Variants in COL14A1 observed in about 807,000 individuals in gnomAD.
COL14A1 encodes collagen alpha-1(XIV) chain.
Under a neutral mutation model 230.3 loss-of-function variants are expected in COL14A1, and 136 were observed. That is an observed-to-expected ratio of 0.59 (90% CI 0.51 to 0.68). COL14A1 has a LOEUF of 0.68. Ranked by LOEUF, COL14A1 falls within the 30% of genes least tolerant of loss-of-function variation. The probability of loss-of-function intolerance (pLI) is 0.00; values close to 1 mark genes in which losing one functional copy is unlikely to be tolerated. For synonymous variants in COL14A1, 792 were observed against 784.1 expected (o/e 1.01, Z -0.17); for missense variants, 1,976 against 2,215.8 (o/e 0.89, Z 2.17).
At chr8:120,297,665 C>T in intron 35 of COL14A1, 77 bp downstream of exon 35, 1 of 761,522 alleles carries the variant, frequency 1.3e-6, no homozygotes, top group Non-Finnish European at 1.9e-6. Context: ...TATTTCTCAA[C>T]ATTCATATCA....
chr8:120,325,794 C>T (rs970925666), intron 40 of COL14A1, among the ~76,000 whole-genome samples: 1 of 151,894 alleles, frequency 6.6e-6, no homozygotes, highest in African/African-American at 2.4e-5. Flanking sequence ...CACCTGGCCA[C>T]ATGTTCTGCT....
chr8:120,133,171 G>A (rs779890363), intron 1 of COL14A1, among the ~76,000 whole-genome samples: 39 of 150,240 alleles, frequency 2.6e-4, no homozygotes, highest in Non-Finnish European at 4.4e-4. Flanking sequence ...AGTTGAGATC[G>A]CGCCACTGCA....
At chr8:120,174,420 C>T (rs1816208193) in intron 5 of COL14A1, among the ~76,000 whole-genome samples, 1 of 152,172 alleles carries the variant, frequency 6.6e-6, no homozygotes, top group South Asian at 2.1e-4. Context: ...ACGCACCTTC[C>T]TCTTTCCTTT....
intron 5 of COL14A1, among the ~76,000 whole-genome samples, chr8:120,174,579 T>G (rs909566482): frequency 1.3e-5 from 2 of 152,210 alleles, no homozygotes; most frequent in African/African-American, 4.8e-5. Context: ...TCACTGGAGA[T>G]ATGTTTGAAC....
chr8:120,175,041 A>G (rs185814770), intron 5 of COL14A1, among the ~76,000 whole-genome samples: 6 of 152,246 alleles, frequency 3.9e-5, no homozygotes, highest in African/African-American at 1.4e-4. Flanking sequence ...CTTGTATAAG[A>G]GTCTACACTG....
At chr8:120,252,740 T>C (rs990439560) in intron 22 of COL14A1, among the ~76,000 whole-genome samples, 12 of 152,224 alleles carry the variant, frequency 7.9e-5, no homozygotes, top group African/African-American at 2.2e-4. Flanking sequence ...ATTATTGTAA[T>C]GATGGGGCTT....
chr8:120,135,097 A>G (rs1167738055), intron 1 of COL14A1, among the ~76,000 whole-genome samples: 3 of 152,226 alleles, frequency 2.0e-5, no homozygotes, highest in Admixed American at 2.0e-4. Flanking sequence ...GTGCAGTCAT[A>G]CTTTTAGCCA....
intron 5 of COL14A1, among the ~76,000 whole-genome samples, chr8:120,188,109 G>C (rs184918436): frequency 5.2e-4 from 77 of 148,502 alleles, no homozygotes; most frequent in African/African-American, 1.8e-3. Flanking sequence ...TTGAGATGGC[G>C]TCTCGTTCTG....
At chr8:120,200,309 A>C (rs1817193877) in intron 8 of COL14A1, among the ~76,000 whole-genome samples, 1 of 152,000 alleles carries the variant, frequency 6.6e-6, no homozygotes, top group African/African-American at 2.4e-5. Flanking sequence ...CCCTTTTATT[A>C]TGTTTTACAT....
At chr8:120,213,050 G>GT (rs1302726078) in intron 13 of COL14A1, among the ~76,000 whole-genome samples, 2 of 152,074 alleles carry the variant, frequency 1.3e-5, no homozygotes, top group Non-Finnish European at 2.9e-5. Context: ...CTGAATATCT[G>GT]TTTATTTTCC....
At chr8:120,246,583 T>G (rs1200508973) in intron 20 of COL14A1, among the ~76,000 whole-genome samples, 2 of 152,222 alleles carry the variant, frequency 1.3e-5, no homozygotes, top group Non-Finnish European at 2.9e-5. Context: ...GTATTTATCT[T>G]TAAATAAAAA....
At chr8:120,147,555 A>G (rs1815136134) in intron 1 of COL14A1, among the ~76,000 whole-genome samples, 1 of 152,252 alleles carries the variant, frequency 6.6e-6, no homozygotes, top group Non-Finnish European at 1.5e-5. Flanking sequence ...ATTTATGTCC[A>G]TAGGGAAGAG....
intron 19 of COL14A1, among the ~76,000 whole-genome samples, chr8:120,236,793 G>C (rs184282426): frequency 6.6e-6 from 1 of 152,254 alleles, no homozygotes; most frequent in Non-Finnish European, 1.5e-5. Flanking sequence ...TCCTCCAGGA[G>C]CTCTTGTAAG....
At chr8:120,323,479 G>C (rs1821536329) in intron 40 of COL14A1, among the ~76,000 whole-genome samples, 1 of 152,106 alleles carries the variant, frequency 6.6e-6, no homozygotes, top group Non-Finnish European at 1.5e-5. Context: ...TCTTTGTCAT[G>C]AAATCTTTGC....
chr8:120,182,331 A>G (rs896164971), intron 5 of COL14A1, among the ~76,000 whole-genome samples: 1 of 152,184 alleles, frequency 6.6e-6, no homozygotes, highest in African/African-American at 2.4e-5. Context: ...TTCTTGTCTA[A>G]GAATTTTCTA....
chr8:120,337,876 G>GCC (rs1822138935), intron 42 of COL14A1, among the ~76,000 whole-genome samples: 1 of 152,162 alleles, frequency 6.6e-6, no homozygotes, highest in South Asian at 2.1e-4. Flanking sequence ...ATAATTTCTT[G>GCC]CCATAGAGAT....
At chr8:120,148,020 G>T in intron 2 of COL14A1, 90 bp downstream of exon 2, 1 of 968,664 alleles carries the variant, frequency 1.0e-6, no homozygotes. Context: ...CTAACAATAT[G>T]TCGGCTTTTA....
intron 8 of COL14A1, among the ~76,000 whole-genome samples, chr8:120,203,353 TG>T (rs67085879): frequency 0.57 from 81,770 of 143,138 alleles, 23,863 homozygotes; most frequent in African/African-American, 0.76. Flanking sequence ...CAGATGGGGG[TG>T]GGGGGGGGTC....
chr8:120,227,068 A>G (rs1473520753), intron 16 of COL14A1, 152 bp from the exon 17 acceptor site: 1 of 777,058 alleles, frequency 1.3e-6, no homozygotes, highest in Non-Finnish European at 1.9e-6. Context: ...GGGGATTGAA[A>G]GGAATAAAGT....
Sources: allele counts gnomAD v4.1 joint callset (sites outside exome capture counted in the v4.1 genomes callset), GRCh38; gene constraint gnomAD v4.1.1; transcripts MANE v1.5; gene names NCBI Gene and HGNC (gene_info 2026-07-23, HGNC 2026-07-21).